Variants in PLEKHA6 observed in about 807,000 individuals in gnomAD.
PLEKHA6 encodes pleckstrin homology domain containing A6, also known as pleckstrin homology domain-containing family A member 6.
PLEKHA6 carries 60 observed loss-of-function variants against 116.7 expected under a neutral mutation model. The observed-to-expected ratio is 0.51, with a 90% CI of 0.42 to 0.64. The LOEUF (loss-of-function observed/expected upper bound fraction) is 0.64, where lower values mean the gene tolerates loss of function less well. Among genes scored for constraint, PLEKHA6 ranks in the 30% least tolerant of loss-of-function variants. The pLI is 0.00. For missense variants in PLEKHA6, 1,338 were observed against 1,422.7 expected (o/e 0.94, Z 0.96); for synonymous variants, 489 against 556.1 (o/e 0.88, Z 1.70).
chr1:204,234,732 G>C (rs1049286463), intron 17 of PLEKHA6, among the ~76,000 whole-genome samples: 26 of 151,904 alleles, frequency 1.7e-4, no homozygotes, highest in Non-Finnish European at 2.2e-4. Context: ...AATCTAATCA[G>C]CTGCCAGTGA....
chr1:204,256,828 G>T, intron 9 of PLEKHA6: 1 of 662,788 alleles, frequency 1.5e-6, no homozygotes, highest in Non-Finnish European at 2.7e-6. Flanking sequence ...GTGGGGGATG[G>T]TGGGTAGTTG....
chr1:204,351,227 T>C (rs951186410), intron 1 of PLEKHA6, among the ~76,000 whole-genome samples: 7 of 152,148 alleles, frequency 4.6e-5, no homozygotes, highest in African/African-American at 7.2e-5. Context: ...CCTACGTGCC[T>C]GAGATAACTA....
Position 204,297,836 on chromosome 1 carries a change from G to A in PLEKHA6, c.-94-23027C>T, listed in dbSNP as rs528689253. 6.4e-6 allele frequency: 6 copies of A among 943,940 alleles called. No individual in the cohort carries two copies. The East Asian group carries it at 7.1e-4, about 111-fold the overall frequency. 58.5% of individuals were successfully genotyped at this position (943,940 alleles called of 1,614,324 possible). A position where few individuals can be genotyped will look rare whatever the true frequency, so the allele number is the denominator to read the frequency against. On this transcript the variant is annotated intron_variant, in intron 1 of 22. Transcript: ENST00000272203. The stretch of plus-strand genomic sequence containing the variant: ...TATCAGAGATCCAAAAGGATTTAGG[G>A]TTCTTTGCAGGTTTTGGTTGCCCAA...
intron 1 of PLEKHA6, chr1:204,297,739 G>T: frequency 4.1e-6 from 1 of 243,886 alleles, no homozygotes. Flanking sequence ...CAACCCCCCA[G>T]CTTGTGGAAC....
Position 204,229,035 on chromosome 1 carries a change from G to T in PLEKHA6, c.2653C>A (p.Pro885Thr). 6.2e-7 allele frequency: 1 copy of T among 1,614,144 alleles called. No individual in the cohort carries two copies. The highest frequency in any genetic ancestry group is 1.1e-5 in the South Asian group (1 of 91,088). The change falls in exon 19 of 23, where the codon CCT becomes ACT. Residue 885 changes from proline to threonine, a missense_variant. By Grantham distance (38) the Pro-to-Thr change is conservative. Transcript: ENST00000272203. ...GGTGTCTCGTAGGCATGCCCGCCAG[G>T]CTCCTCTGCCCGCAGGGCTGCCTCC... Reference protein sequence around the residue: ...NLEAALRAEEPGGHAYETPRE... With the variant: ...NLEAALRAEETGGHAYETPRE...
rs1659451930 is a variant in PLEKHA6 at position 204,219,690 on chromosome 1, C to G, written c.*3098G>C. On this transcript the variant is annotated 3_prime_UTR_variant, in exon 23 of 23. Transcript: ENST00000272203. ...AGATTCCCAAGCCCTTGATTTCAGACCTAGACAAAGACTTCCATCCTGCCC... is the reference window on the plus strand; with the variant it reads ...AGATTCCCAAGCCCTTGATTTCAGAGCTAGACAAAGACTTCCATCCTGCCC... The G allele has an allele frequency of 6.6e-6, 1 of 152,250 alleles. No homozygotes were observed. The highest frequency in any genetic ancestry group is 1.5e-5 in the Non-Finnish European group (1 of 68,072). The allele number at this position is 152,250 out of a possible 1,614,324, so 9.4% of individuals were successfully genotyped here.
intron 9 of PLEKHA6, chr1:204,256,825 A>T (rs1327869953): frequency 1.5e-6 from 1 of 655,956 alleles, no homozygotes; most frequent in Non-Finnish European, 2.8e-6. Flanking sequence ...ACCGTGGGGG[A>T]TGGTGGGTAG....
chr1:204,287,429 A>G (rs910384601), intron 1 of PLEKHA6, among the ~76,000 whole-genome samples: 9 of 152,092 alleles, frequency 5.9e-5, no homozygotes, highest in African/African-American at 2.2e-4. Flanking sequence ...GGGATGAGGG[A>G]CCTGAAGGGG....
At chr1:204,334,278 G>A (rs1182894793) in intron 1 of PLEKHA6, among the ~76,000 whole-genome samples, 2 of 152,166 alleles carry the variant, frequency 1.3e-5, no homozygotes, top group Non-Finnish European at 2.9e-5. Flanking sequence ...AAGATGAGTG[G>A]GACGCAAAGC....
intron 6 of PLEKHA6, among the ~76,000 whole-genome samples, chr1:204,262,501 T>C (rs1666253061): frequency 6.6e-6 from 1 of 151,924 alleles, no homozygotes; most frequent in Non-Finnish European, 1.5e-5. Context: ...CTTAGCCCAC[T>C]CAACAGGGGA....
At chr1:204,343,518 A>G (rs1176935061) in intron 1 of PLEKHA6, among the ~76,000 whole-genome samples, 1 of 152,168 alleles carries the variant, frequency 6.6e-6, no homozygotes, top group African/African-American at 2.4e-5. Context: ...CAGACCCTGT[A>G]TCTTCCCCAC....
rs556668511 is a variant in PLEKHA6 at position 204,347,164 on chromosome 1, C to T, written c.-95+12530G>A. 1.1e-4 allele frequency: 121 copies of T among 1,129,578 alleles called. 1 individual carries two copies. The highest frequency in any genetic ancestry group is 1.5e-4 in the Non-Finnish European group (116 of 753,138). 70.0% of individuals were successfully genotyped at this position (1,129,578 alleles called of 1,614,324 possible). ...TACAATATCACCTTTCTTATAGACT[C>T]GCATATACGTGGCCAAAGGAACAAC... On this transcript the variant is annotated intron_variant, in intron 1 of 22. Transcript: ENST00000272203.
rs867541605 is a variant in PLEKHA6 at position 204,223,341 on chromosome 1, G to T, written c.*8+121C>A. The T allele has an allele frequency of 2.2e-5, 15 of 690,664 alleles. No homozygotes were observed. The Middle Eastern group carries it at 4.2e-3, about 195-fold the overall frequency. 42.8% of individuals were successfully genotyped at this position (690,664 alleles called of 1,614,324 possible). A position where few individuals can be genotyped will look rare whatever the true frequency, so the allele number is the denominator to read the frequency against. On this transcript the variant is annotated intron_variant, in intron 22 of 22. Coordinates refer to ENST00000272203, the MANE Select transcript of PLEKHA6 (RefSeq NM_014935.5). This position sits in a 1 kb window ranked among gnomAD's most constrained non-coding sequence, Gnocchi z 4.8. ...AATGGATGGATAGTGGGGAGGAGCA[G>T]CACAGGGCACTGGGGTAGGGGAGAA...
At chr1:204,328,193 C>T (rs950663344) in intron 1 of PLEKHA6, among the ~76,000 whole-genome samples, 3 of 151,742 alleles carry the variant, frequency 2.0e-5, no homozygotes, top group African/African-American at 7.3e-5. Flanking sequence ...AGGGATTCTC[C>T]TACCTCAGCC....
chr1:204,301,542 AC>A, intron 1 of PLEKHA6: 1 of 859,726 alleles, frequency 1.2e-6, no homozygotes, highest in Non-Finnish European at 1.4e-6. Flanking sequence ...CCACCCTACC[AC>A]CACCCCATGG....
chr1:204,232,895 G>A (rs945354529), intron 17 of PLEKHA6, among the ~76,000 whole-genome samples: 24 of 152,206 alleles, frequency 1.6e-4, no homozygotes, highest in African/African-American at 5.5e-4. Flanking sequence ...GCTTGGAATG[G>A]TGACCCCTTT....
At chr1:204,360,598 T>G (rs116666215), upstream of PLEKHA6, among the ~76,000 whole-genome samples, 205 of 152,232 alleles carry the variant, frequency 1.3e-3, no homozygotes, top group African/African-American at 4.7e-3. Context: ...TTGGTAAAAA[T>G]GATATAGGTA....
intron 1 of PLEKHA6, among the ~76,000 whole-genome samples, chr1:204,340,553 C>G (rs1672810298): frequency 6.6e-6 from 1 of 152,180 alleles, no homozygotes; most frequent in South Asian, 2.1e-4. Flanking sequence ...AAGCAACAAC[C>G]TGAGCCCCAA....
At chr1:204,300,836 A>G (rs1198403343) in intron 1 of PLEKHA6, among the ~76,000 whole-genome samples, 2 of 152,220 alleles carry the variant, frequency 1.3e-5, no homozygotes, top group African/African-American at 4.8e-5. Flanking sequence ...GGGAAGACCA[A>G]TTCCTACCTT....
Sources: allele counts gnomAD v4.1 joint callset (sites outside exome capture counted in the v4.1 genomes callset), GRCh38; gene constraint gnomAD v4.1.1; non-coding constraint Gnocchi (gnomAD v3.1); transcripts MANE v1.5; gene names NCBI Gene and HGNC (gene_info 2026-07-23, HGNC 2026-07-21).